The following CCDC97 variants were observed in gnomAD, a reference collection of about 807,000 sequenced individuals.
CCDC97 encodes coiled-coil domain-containing protein 97.
In CCDC97, 27 loss-of-function variants were observed where a neutral mutation model predicts 33.9. The ratio of observed to expected loss-of-function variants is 0.80; its 90% CI spans 0.59 to 1.10. The LOEUF (loss-of-function observed/expected upper bound fraction) is 1.10. CCDC97 is among the 50% of genes least tolerant of loss of function. The probability of loss-of-function intolerance (pLI) is 0.00; values close to 1 mark genes in which losing one functional copy is unlikely to be tolerated. For synonymous variants in CCDC97, 217 were observed against 194.0 expected (o/e 1.12, Z -0.99); for missense variants, 422 against 476.6 (o/e 0.89, Z 1.07).
chr19:41,310,655 C>T, intron 1 of CCDC97: 1 of 1,322,684 alleles, frequency 7.6e-7, no homozygotes, highest in Non-Finnish European at 9.7e-7. Context: ...CCTCTCTACC[C>T]CGGCCTAATT....
At chr19:41,319,443 TTGAA>T in intron 2 of CCDC97, 127 bp from the exon 3 acceptor site, 1 of 685,486 alleles carries the variant, frequency 1.5e-6, no homozygotes, top group East Asian at 2.7e-5. Flanking sequence ...TCCTGTGTTT[TTGAA>T]TGTGTGCATA....
chr19:41,316,774 G>T lies in CCDC97; in HGVS notation c.437G>T (p.Arg146Leu). The T allele has an allele frequency of 1.9e-6, 3 of 1,609,058 alleles. No individual in the cohort carries two copies. Among genetic ancestry groups the T allele is most frequent in the Non-Finnish European group, 1.7e-6 (2 of 1,176,286 alleles). Reference protein sequence around the residue: ...CAEVARQGTARPRTLRTRLRN... With the variant: ...CAEVARQGTALPRTLRTRLRN... ...GAGGTGGCCCGGCAGGGCACTGCCC[G>T]GCCCCGCACCCTGCGTACCCGCCTG... The change falls in exon 2 of 5, where the codon CGG becomes CTG. Residue 146 changes from arginine (R) to leucine (L), a missense_variant. By Grantham distance (102) the Arg-to-Leu change is moderately radical. Transcript: ENST00000269967.
intron 4 of CCDC97, 106 bp from the exon 5 acceptor site, chr19:41,322,489 C>A: frequency 7.9e-7 from 1 of 1,272,600 alleles, no homozygotes; most frequent in Non-Finnish European, 1.1e-6. Context: ...TCAGCTCTGA[C>A]GGCTGCCAGC....
At chr19:41,321,016 AG>A (rs1177843356) in intron 4 of CCDC97, among the ~76,000 whole-genome samples, 1 of 152,238 alleles carries the variant, frequency 6.6e-6, no homozygotes, top group African/African-American at 2.4e-5. Flanking sequence ...TTGTCATTTA[AG>A]GTAGCTTTGC....
In CCDC97 at chr19:41,316,693, A is replaced by T; in HGVS notation, c.356A>T (p.His119Leu). 2.5e-6 allele frequency: 4 copies of T among 1,614,106 alleles called. No homozygotes were observed. The highest frequency in any genetic ancestry group is 2.5e-6 in the Non-Finnish European group (3 of 1,180,024). ...ERFRTGLREE[H>L]LACFGHVRGD... ...TTCCGCACAGGCCTCCGTGAGGAGC[A>T]TCTGGCCTGCTTTGGCCACGTGCGT... is the stretch of plus-strand genomic sequence containing the variant. The change falls in exon 2 of 5, where the codon CAT becomes CTT. Residue 119 changes from histidine (H) to leucine (L), a missense_variant. By Grantham distance (99) the His-to-Leu change is moderately conservative. Coordinates refer to ENST00000269967, the MANE Select transcript of CCDC97 (RefSeq NM_052848.3).
intron 1 of CCDC97, among the ~76,000 whole-genome samples, chr19:41,315,215 C>G (rs1355166964): frequency 7.0e-6 from 1 of 142,190 alleles, no homozygotes; most frequent in Non-Finnish European, 1.5e-5. Context: ...CAGAGAATTG[C>G]TTGAACCTGA....
At position 41,316,789 on chromosome 19, in the gene CCDC97, G is replaced by T. The variant is rs767966086; in HGVS notation, c.452G>T (p.Arg151Leu). Reference protein sequence around the residue: ...RQGTARPRTLRTRLRNRRYAA... With the variant: ...RQGTARPRTLLTRLRNRRYAA... Reference sequence around the variant, plus strand: ...GGCACTGCCCGGCCCCGCACCCTGCGTACCCGCCTGCGTAACCGGCGCTAT... The same window carrying T: ...GGCACTGCCCGGCCCCGCACCCTGCTTACCCGCCTGCGTAACCGGCGCTAT... Residue 151 changes from arginine (R) to leucine (L), a missense_variant, in exon 2 of 5, where the codon CGT becomes CTT. Arg to Leu is a moderately radical substitution (Grantham distance 102). Transcript: ENST00000269967. 2 of 1,602,196 alleles carry T rather than the reference G, an allele frequency of 1.2e-6. No individual in the cohort carries two copies. The highest frequency in any genetic ancestry group is 2.7e-5 in the African/African-American group (2 of 74,686).
chr19:41,316,558 G>T lies in CCDC97; in HGVS notation c.221G>T (p.Arg74Leu), dbSNP rs147264663. Residue 74 changes from arginine (R) to leucine (L), a missense_variant, in exon 2 of 5, where the codon CGC (arginine) becomes CTC (leucine). By Grantham distance (102) the Arg-to-Leu change is moderately radical (BLOSUM62 -2). Coordinates refer to ENST00000269967, the MANE Select transcript of CCDC97 (RefSeq NM_052848.3). ...SAMLHAVAAS[R>L]LPVCSQQQGE... ...ATGCTGCACGCTGTAGCCGCCAGCC[G>T]CCTGCCTGTTTGCAGCCAGCAGCAG... 6 of 1,614,212 alleles carry T rather than the reference G, an allele frequency of 3.7e-6. No homozygotes were observed. The highest frequency in any genetic ancestry group is 5.1e-6 in the Non-Finnish European group (6 of 1,180,032).
Position 41,310,225 on chromosome 19 carries a change from C to G in CCDC97, c.-86C>G, listed in dbSNP as rs951624301. The G allele has an allele frequency of 1.5e-5, 23 of 1,534,550 alleles. No homozygotes were observed. In the Admixed American group the frequency reaches 3.3e-4, roughly 22 times the overall value. The stretch of plus-strand genomic sequence containing the variant: ...GCGGTGCACCCGGACCCGGAACATT[C>G]TCAGGCGAAAGTGTCTCTTGCGTGC... On this transcript the variant is annotated 5_prime_UTR_variant, in exon 1 of 5. Transcript: ENST00000269967.
intron 4 of CCDC97, 144 bp from the exon 5 acceptor site, chr19:41,322,451 G>A: frequency 1.2e-6 from 1 of 836,508 alleles, no homozygotes; most frequent in Non-Finnish European, 1.8e-6. Flanking sequence ...AACCCTGAGA[G>A]TTTTAAACAC....
At chr19:41,318,441 G>C (rs893819007) in intron 2 of CCDC97, among the ~76,000 whole-genome samples, 2 of 152,200 alleles carry the variant, frequency 1.3e-5, no homozygotes, top group Non-Finnish European at 2.9e-5. Context: ...CTGGGCAACA[G>C]AGCGAGACTC....
Position 41,320,422 on chromosome 19 carries a change from G to A in CCDC97, c.863G>A (p.Arg288His), listed in dbSNP as rs745650540. The change falls in exon 4 of 5, where the codon CGC (arginine) becomes CAC (histidine). Residue 288 changes from arginine (R) to histidine (H), a missense_variant. Physicochemically the swap from Arg to His is conservative, Grantham distance 29. Transcript: ENST00000269967. ...RLILREEFTS[R>H]MHQRFLDGKD... The stretch of plus-strand genomic sequence containing the variant: ...ATCCTGCGAGAGGAGTTCACCAGCC[G>A]CATGCACCAGCGCTTCCTAGATGGC... 7 of 1,614,090 alleles carry A rather than the reference G, an allele frequency of 4.3e-6. No homozygotes were observed. The highest frequency in any genetic ancestry group is 1.3e-5 in the African/African-American group (1 of 75,028).
At chr19:41,318,274 C>G (rs34322801) in intron 2 of CCDC97, among the ~76,000 whole-genome samples, 22,345 of 151,986 alleles carry the variant, frequency 0.15, 1,891 homozygotes, top group East Asian at 0.28. Flanking sequence ...CATGGTGAAA[C>G]CCCGGCTCTA....
chr19:41,318,798 C>T (rs1010898519), intron 2 of CCDC97, among the ~76,000 whole-genome samples: 3 of 152,140 alleles, frequency 2.0e-5, no homozygotes, highest in African/African-American at 7.2e-5. Context: ...GATCTAGGGC[C>T]TTCCACCACC....
Position 41,319,598 on chromosome 19 carries a change from A to G in CCDC97, c.527A>G (p.Gln176Arg). 1 of 1,609,658 alleles carries G rather than the reference A, an allele frequency of 6.2e-7. No individual in the cohort carries two copies. Among genetic ancestry groups the G allele is most frequent in the Non-Finnish European group, 8.5e-7 (1 of 1,177,240 alleles). Residue 176 changes from glutamine (Q) to arginine (R), a missense_variant, in exon 3 of 5, where the codon CAG (glutamine) becomes CGG (arginine). Gln to Arg is a conservative substitution (Grantham distance 43). Transcript: ENST00000269967. ...GGGGGCGAGTACTTCAGTGATGAGC[A>G]GATGCGGTTCCGGGCCCCCCTGCTA... ...IQGGEYFSDE[Q>R]MRFRAPLLYE...
chr19:41,311,613 A>G (rs2037685862), intron 1 of CCDC97, among the ~76,000 whole-genome samples: 1 of 152,080 alleles, frequency 6.6e-6, no homozygotes, highest in Admixed American at 6.6e-5. Context: ...TGTGCCTGTA[A>G]TCCCAGCTAC....
chr19:41,313,792 T>C (rs557813629), intron 1 of CCDC97, among the ~76,000 whole-genome samples: 27 of 151,928 alleles, frequency 1.8e-4, no homozygotes, highest in South Asian at 4.2e-4. Context: ...CTCTGCCTCA[T>C]GGGTTCAAGC....
intron 1 of CCDC97, 75 bp downstream of exon 1, chr19:41,310,431 G>A (rs2037668753): frequency 6.5e-7 from 1 of 1,545,478 alleles, no homozygotes; most frequent in Non-Finnish European, 8.7e-7. Flanking sequence ...CCCCAGGAAC[G>A]CGAAGTAGGA....
At chr19:41,316,074 C>T (rs1341027441) in intron 1 of CCDC97, among the ~76,000 whole-genome samples, 1 of 152,146 alleles carries the variant, frequency 6.6e-6, no homozygotes, top group African/African-American at 2.4e-5. Flanking sequence ...GCCTGGGTGA[C>T]CGAGCAAGAC....
Sources: gnomAD v4.1 joint callset for allele counts (sites outside exome capture counted in the v4.1 genomes callset) on GRCh38, gnomAD v4.1.1 for gene constraint, MANE v1.5 for transcripts, NCBI Gene and HGNC (gene_info 2026-07-23, HGNC 2026-07-21) for gene names.